The following VPS45 variants were observed in gnomAD, a reference collection of about 807,000 sequenced individuals.
The protein encoded by VPS45 is vacuolar protein sorting-associated protein 45.
In VPS45, 35 loss-of-function variants were observed where a neutral mutation model predicts 75.9. The ratio of observed to expected loss-of-function variants is 0.46; its 90% CI spans 0.35 to 0.61. The LOEUF is 0.61. VPS45 is among the 20% of genes least tolerant of loss of function. VPS45 has a pLI of 0.00. For missense variants in VPS45, 559 were observed against 685.9 expected (o/e 0.81, Z 2.07); for synonymous variants, 220 against 238.2 (o/e 0.92, Z 0.70).
rs964945043 is a variant in VPS45, at chr1:150,144,877, C to A, written c.*81C>A. On this transcript the variant is annotated 3_prime_UTR_variant, in exon 15 of 15. Transcript: ENST00000644510. ...CCTACTAAACAAAGGTGTTGGAGAG[C>A]AGCTTTGGGTTCTGTGCTGGTTGTT... 8 of 1,597,390 alleles carry A rather than the reference C, an allele frequency of 5.0e-6. No individual in the cohort carries two copies. The African/African-American group carries it at 1.1e-4, about 21-fold the overall frequency.
chr1:150,117,582 G>T (rs776612103), intron 14 of VPS45, among the ~76,000 whole-genome samples: 1 of 152,046 alleles, frequency 6.6e-6, no homozygotes, highest in Non-Finnish European at 1.5e-5. Flanking sequence ...TTGGGGGCCA[G>T]GCATCGTGGC....
intron 10 of VPS45, among the ~76,000 whole-genome samples, chr1:150,090,405 G>T (rs988458342): frequency 6.6e-6 from 1 of 151,308 alleles, no homozygotes; most frequent in Admixed American, 6.6e-5. Context: ...TTTGTTTTTT[G>T]CATACATGTT....
At chr1:150,133,352 C>A (rs1265022624) in intron 14 of VPS45, among the ~76,000 whole-genome samples, 10 of 151,872 alleles carry the variant, frequency 6.6e-5, no homozygotes, top group Admixed American at 5.3e-4. Context: ...GAGTTCGAGA[C>A]CAGCCTGGCC....
rs114362637 is a variant in VPS45 at position 150,091,766 on chromosome 1, T to A, written c.1105-171T>A. Among the ~76,000 whole-genome samples the A allele has an allele frequency of 2.6e-3, 392 of 152,334 alleles. 3 individuals carry two copies. Among genetic ancestry groups the A allele is most frequent in the African/African-American group, 9.1e-3 (380 of 41,570 alleles). ...TATATTTCCTTATTTAATTCTTACC[T>A]TGGACAAAAGGCATTTAATTTTCTA... On this transcript the variant is annotated intron_variant, in intron 10 of 14. Coordinates refer to ENST00000644510, the MANE Select transcript of VPS45 (RefSeq NM_007259.5).
At chr1:150,099,604 C>T (rs942440619) in intron 13 of VPS45, among the ~76,000 whole-genome samples, 6 of 151,656 alleles carry the variant, frequency 4.0e-5, no homozygotes, top group African/African-American at 7.3e-5. Context: ...GAGGCCAAGG[C>T]GGGCGGATCA....
At chr1:150,087,781 C>A (rs1250901064) in intron 10 of VPS45, among the ~76,000 whole-genome samples, 1 of 152,142 alleles carries the variant, frequency 6.6e-6, no homozygotes, top group Non-Finnish European at 1.5e-5. Flanking sequence ...TGGACCTGAG[C>A]CATGAGTTGG....
rs1044096575 is a variant in VPS45, at chr1:150,105,985, G to T, written c.1494-4511G>T. ...CAACCAACTGATCTTCAATAAAGTC[G>T]ATAAAAATAAACAATGGGGAAAGAA... On this transcript the variant is annotated intron_variant, in intron 13 of 14. Transcript: ENST00000644510. Among the ~76,000 whole-genome samples the T allele has an allele frequency of 2.0e-5, 3 of 152,040 alleles. No individual in the cohort carries two copies. The South Asian group carries it at 6.2e-4, about 32-fold the overall frequency.
chr1:150,111,670 G>A (rs1553807193), intron 14 of VPS45, among the ~76,000 whole-genome samples: 1 of 151,972 alleles, frequency 6.6e-6, no homozygotes, highest in Non-Finnish European at 1.5e-5. Flanking sequence ...AAAAGTATTT[G>A]TATACTTTTT....
At position 150,092,416 on chromosome 1, in the gene VPS45, A is replaced by G. The variant is rs1553802136; in HGVS notation, c.1371+7A>G. ...ATTCCTCAAAGGACTGAAGGTATAG[A>G]CATCTCCTCTATGCTCTCCTGAGTG... On this transcript the variant is annotated splice_region_variant and intron_variant, in intron 12 of 14. Transcript: ENST00000644510. 6.2e-7 allele frequency: 1 copy of G among 1,612,214 alleles called. No individual in the cohort carries two copies. The highest frequency in any genetic ancestry group is 8.5e-7 in the Non-Finnish European group (1 of 1,178,468).
chr1:150,082,428 C>T (rs1335625617), intron 9 of VPS45, among the ~76,000 whole-genome samples: 1 of 151,082 alleles, frequency 6.6e-6, no homozygotes, highest in Non-Finnish European at 1.5e-5. Context: ...ATCGCTTGAA[C>T]CTGGGAGGCG....
At chr1:150,140,105 G>A (rs1403605110) in intron 14 of VPS45, among the ~76,000 whole-genome samples, 1 of 152,064 alleles carries the variant, frequency 6.6e-6, no homozygotes, top group Non-Finnish European at 1.5e-5. Flanking sequence ...TGTTGGTCAA[G>A]CTGATCTGAA....
intron 13 of VPS45, among the ~76,000 whole-genome samples, chr1:150,097,071 G>A (rs1656693640): frequency 6.8e-6 from 1 of 146,206 alleles, no homozygotes; most frequent in South Asian, 2.2e-4. Flanking sequence ...AGAAAAGCAG[G>A]ATGTTGTAAC....
chr1:150,094,789 A>G (rs1656528769), intron 13 of VPS45, among the ~76,000 whole-genome samples: 1 of 152,230 alleles, frequency 6.6e-6, no homozygotes, highest in Admixed American at 6.5e-5. Flanking sequence ...TTTGCTTATG[A>G]ATTTTTATAA....
chr1:150,074,263 T>TA (rs1339713088), intron 3 of VPS45, among the ~76,000 whole-genome samples: 9 of 152,114 alleles, frequency 5.9e-5, no homozygotes, highest in African/African-American at 1.9e-4. Flanking sequence ...CCTTGGGTGA[T>TA]ACGCCCGCTT....
chr1:150,072,356 C>G (rs1354939110), intron 3 of VPS45, 130 bp downstream of exon 3: 1 of 658,610 alleles, frequency 1.5e-6, no homozygotes, highest in Non-Finnish European at 2.4e-6. Context: ...TAATGTCCTT[C>G]CAAAGTATTA....
upstream of VPS45, chr1:150,067,544 C>G (rs1303046639): frequency 1.5e-5 from 5 of 336,070 alleles, no homozygotes; most frequent in African/African-American, 6.3e-5. Flanking sequence ...TGCCGCTGGG[C>G]CTCCAGCACC....
chr1:150,089,367 A>G (rs1656202863), intron 10 of VPS45, among the ~76,000 whole-genome samples: 1 of 151,948 alleles, frequency 6.6e-6, no homozygotes, highest in South Asian at 2.1e-4. Flanking sequence ...TAAAATTTTT[A>G]TTTATTTATT....
rs1287861542 is a variant in VPS45 at position 150,144,974 on chromosome 1, A to G, written c.*178A>G. ...CAAGACTCCCAGAGTTGTCCTAACA[A>G]TAAGTCTGAGCCCATCTCAACCCAC... On this transcript the variant is annotated 3_prime_UTR_variant, in exon 15 of 15. Transcript: ENST00000644510. 2 of 1,517,372 alleles carry G rather than the reference A, an allele frequency of 1.3e-6. No homozygotes were observed. Among genetic ancestry groups the G allele is most frequent in the Non-Finnish European group, 1.8e-6 (2 of 1,132,402 alleles). The allele number at this position is 1,517,372 out of a possible 1,614,324, so 94.0% of individuals were successfully genotyped here. A position where few individuals can be genotyped will look rare whatever the true frequency, so the allele number is the denominator to read the frequency against.
At chr1:150,070,159 C>G (rs587713602) in intron 2 of VPS45, among the ~76,000 whole-genome samples, 1 of 152,290 alleles carries the variant, frequency 6.6e-6, no homozygotes, top group Admixed American at 6.5e-5. Flanking sequence ...TATGCATTTA[C>G]AACACCATCT....
Sources: gnomAD v4.1 joint callset for allele counts (sites outside exome capture counted in the v4.1 genomes callset) on GRCh38, gnomAD v4.1.1 for gene constraint, MANE v1.5 for transcripts, NCBI Gene and HGNC (gene_info 2026-07-23, HGNC 2026-07-21) for gene names.